SLTM: variants seen among roughly 807,000 people sequenced by gnomAD.
SLTM encodes the protein SAFB like transcription modulator, also known as SAFB-like transcription modulator.
A neutral mutation model predicts 134.6 loss-of-function variants in SLTM; 43 were observed. The ratio of observed to expected loss-of-function variants is 0.32; its 90% confidence interval spans 0.25 to 0.41. The LOEUF (loss-of-function observed/expected upper bound fraction) is 0.41. Ranked by LOEUF, SLTM falls within the 10% of genes least tolerant of loss-of-function variation. The pLI, the probability that SLTM is intolerant of heterozygous loss-of-function variation, is 1.00. For missense variants in SLTM, 1,055 were observed against 1,288.8 expected (o/e 0.82, Z 2.78); for synonymous variants, 424 against 432.3 (o/e 0.98, Z 0.24).
intron 2 of SLTM, among the ~76,000 whole-genome samples, chr15:58,925,393 A>C (rs1320304501): frequency 2.6e-5 from 4 of 152,188 alleles, no homozygotes; most frequent in Admixed American, 2.6e-4. Flanking sequence ...GCTGGAGTGC[A>C]GTGGCACAAT....
intron 2 of SLTM, among the ~76,000 whole-genome samples, chr15:58,925,950 T>C (rs192716635): frequency 4.1e-4 from 63 of 152,276 alleles, no homozygotes; most frequent in Admixed American, 4.6e-4. Flanking sequence ...GAAAAGTATA[T>C]AAAATAATCT....
chr15:58,886,843 A>G, intron 19 of SLTM, 132 bp downstream of exon 19: 2 of 1,088,774 alleles, frequency 1.8e-6, no homozygotes, highest in Non-Finnish European at 2.5e-6. Flanking sequence ...TTAAATAAAA[A>G]ATTAATGCCT....
At chr15:58,925,390 T>G (rs1355491166) in intron 2 of SLTM, among the ~76,000 whole-genome samples, 18 of 152,174 alleles carry the variant, frequency 1.2e-4, no homozygotes, top group African/African-American at 3.4e-4. Flanking sequence ...CAGGCTGGAG[T>G]GCAGTGGCAC....
chr15:58,902,435 A>G (rs1180109216), intron 5 of SLTM, among the ~76,000 whole-genome samples: 2 of 148,940 alleles, frequency 1.3e-5, no homozygotes, highest in African/African-American at 2.5e-5. Flanking sequence ...CGTCCAGGCT[A>G]GAGTGCAGCA....
chr15:58,932,514 A>C (rs565038580), intron 1 of SLTM, 71 bp from the exon 2 acceptor site: 2 of 1,182,552 alleles, frequency 1.7e-6, no homozygotes, highest in Admixed American at 1.9e-5. Flanking sequence ...GAAATGAAAA[A>C]AAATTTAGCA....
chr15:58,916,884 A>G (rs777478252), intron 3 of SLTM, 51 bp downstream of exon 3: 1 of 1,541,464 alleles, frequency 6.5e-7, no homozygotes, highest in Admixed American at 1.7e-5. Context: ...TTCATGATGC[A>G]AAATACTAGG....
At chr15:58,908,282 A>G (rs1324645517) in intron 5 of SLTM, among the ~76,000 whole-genome samples, 2 of 151,802 alleles carry the variant, frequency 1.3e-5, no homozygotes, top group Non-Finnish European at 2.9e-5. Flanking sequence ...ACTGGTCTTG[A>G]ACTCTTGAGC....
chr15:58,911,150 T>C (rs375306621), intron 5 of SLTM, among the ~76,000 whole-genome samples: 1 of 152,154 alleles, frequency 6.6e-6, no homozygotes, highest in African/African-American at 2.4e-5. Flanking sequence ...ATCAGCAACA[T>C]TTCTCCCAGA....
At chr15:58,917,797 T>TG (rs1419964722) in intron 2 of SLTM, among the ~76,000 whole-genome samples, 1 of 152,146 alleles carries the variant, frequency 6.6e-6, no homozygotes, top group Admixed American at 6.5e-5. Flanking sequence ...TCGCCCAGGC[T>TG]GGAATGCAGT....
At chr15:58,906,559 T>C (rs746509113) in intron 5 of SLTM, among the ~76,000 whole-genome samples, 11 of 152,232 alleles carry the variant, frequency 7.2e-5, no homozygotes, top group Non-Finnish European at 1.3e-4. Context: ...CTACTCCCCA[T>C]AGGTTATCTT....
At chr15:58,880,961 T>A (rs1236448293) in intron 20 of SLTM, among the ~76,000 whole-genome samples, 1 of 152,216 alleles carries the variant, frequency 6.6e-6, no homozygotes, top group African/African-American at 2.4e-5. Context: ...TCTGGAATCT[T>A]TATGTGTAAT....
At chr15:58,896,706 G>C (rs894929548) in intron 9 of SLTM, among the ~76,000 whole-genome samples, 13 of 151,910 alleles carry the variant, frequency 8.6e-5, no homozygotes, top group African/African-American at 2.9e-4. Context: ...CTGTAACAAG[G>C]ATCATATCTG....
intron 2 of SLTM, among the ~76,000 whole-genome samples, chr15:58,920,493 C>G (rs2036949429): frequency 6.6e-6 from 1 of 151,366 alleles, no homozygotes; most frequent in East Asian, 1.9e-4. Context: ...CATGGTGGCA[C>G]ATGCCTGTAA....
intron 5 of SLTM, among the ~76,000 whole-genome samples, chr15:58,908,876 A>G (rs1378600399): frequency 6.6e-6 from 1 of 152,234 alleles, no homozygotes; most frequent in Admixed American, 6.5e-5. Flanking sequence ...TAGTGTTGGT[A>G]TTATCATTCT....
rs545594797 is a variant in SLTM at position 58,901,151 on chromosome 15, T to C, written c.589+109A>G. On this transcript the variant is annotated intron_variant, in intron 6 of 20. Coordinates refer to ENST00000380516, the MANE Select transcript of SLTM (RefSeq NM_024755.4). ...AACTTAATTCACTAAATGGATAAAT[T>C]TGAAAATAAACTAATTTCAAAAATA... 329 of 882,440 alleles carry C rather than the reference T, an allele frequency of 3.7e-4. 1 individual carries two copies. In the African/African-American group the frequency reaches 3.8e-3, roughly 10 times the overall value. The allele number at this position is 882,440 out of a possible 1,614,324, so 54.7% of individuals were successfully genotyped here.
chr15:58,887,713 C>G (rs1265677315), intron 17 of SLTM, 173 bp from the exon 18 acceptor site: 1 of 834,196 alleles, frequency 1.2e-6, no homozygotes, highest in African/African-American at 1.8e-5. Flanking sequence ...TTAAACTGAA[C>G]TAAGTGTCTA....
At chr15:58,908,832 A>G (rs1331407744) in intron 5 of SLTM, among the ~76,000 whole-genome samples, 9 of 152,250 alleles carry the variant, frequency 5.9e-5, no homozygotes, top group African/African-American at 2.2e-4. Flanking sequence ...GTCTTAAAAA[A>G]ATCTTAAATT....
intron 20 of SLTM, among the ~76,000 whole-genome samples, chr15:58,883,208 G>A (rs776582126): frequency 4.6e-5 from 7 of 152,182 alleles, no homozygotes; most frequent in Non-Finnish European, 7.4e-5. Context: ...CCAGCTACTT[G>A]GGAGGCTGAG....
intron 4 of SLTM, among the ~76,000 whole-genome samples, chr15:58,913,267 G>A (rs1298455649): frequency 3.3e-5 from 5 of 151,904 alleles, no homozygotes; most frequent in African/African-American, 1.2e-4. Context: ...TGAAAATACA[G>A]AATAAATAGG....
Sources: allele counts gnomAD v4.1 joint callset (sites outside exome capture counted in the v4.1 genomes callset), GRCh38; gene constraint gnomAD v4.1.1; transcripts MANE v1.5; gene names NCBI Gene and HGNC (gene_info 2026-07-23, HGNC 2026-07-21).